The following TPRKB variants were observed in gnomAD, a reference collection of about 807,000 sequenced individuals.
The protein encoded by TPRKB is TP53RK binding protein.
A neutral mutation model predicts 17.8 loss-of-function variants in TPRKB; 11 were observed. The observed-to-expected ratio is 0.62, with a 90% CI of 0.39 to 1.02. The LOEUF is 1.02. Among genes scored for constraint, TPRKB ranks in the 50% least tolerant of loss-of-function variants. The pLI is 0.00. For missense variants in TPRKB, 228 were observed against 198.0 expected (o/e 1.15, Z -0.91); for synonymous variants, 71 against 69.5 (o/e 1.02, Z -0.11).
intron 2 of TPRKB, chr2:73,732,833 G>T (rs12992607): frequency 0.53 from 80,646 of 152,344 alleles, 24,469 homozygotes; most frequent in East Asian, 0.7. Flanking sequence ...TTAATTGAGG[G>T]CTAATATTAT....
At chr2:73,734,794 A>C (rs908575421) in intron 1 of TPRKB, among the ~76,000 whole-genome samples, 19 of 152,242 alleles carry the variant, frequency 1.2e-4, no homozygotes, top group Non-Finnish European at 2.9e-5. Context: ...CCCCAGGGAA[A>C]CGCCAAGGGG....
chr2:73,730,970 T>G (rs962468061), intron 3 of TPRKB: 2 of 331,914 alleles, frequency 6.0e-6, no homozygotes, highest in African/African-American at 4.3e-5. Flanking sequence ...AAGCCCAGCC[T>G]CTTGGCGCTG....
intron 1 of TPRKB, among the ~76,000 whole-genome samples, 181 bp from the exon 2 acceptor site, chr2:73,734,772 T>G (rs560038003): frequency 3.3e-5 from 5 of 152,366 alleles, no homozygotes; most frequent in African/African-American, 9.6e-5. Context: ...TTCTGAGTTG[T>G]TCTGTTGTCA....
At chr2:73,732,125 T>C (rs767096527) in intron 3 of TPRKB, 38 bp downstream of exon 3, 29 of 1,600,072 alleles carry the variant, frequency 1.8e-5, no homozygotes, top group Non-Finnish European at 2.1e-5. Flanking sequence ...CATATGTTAT[T>C]ATGACACGGT....
At chr2:73,732,040 T>C (rs765333234) in intron 3 of TPRKB, 123 bp downstream of exon 3, 3 of 1,091,896 alleles carry the variant, frequency 2.7e-6, no homozygotes, top group Non-Finnish European at 4.0e-6. Context: ...TCCAGAGCTC[T>C]CTTCACTATT....
chr2:73,736,111 T>TTATC (rs1239800019), intron 1 of TPRKB, among the ~76,000 whole-genome samples: 1 of 152,180 alleles, frequency 6.6e-6, no homozygotes, highest in African/African-American at 2.4e-5. Context: ...AAAGTTAATG[T>TTATC]TATCTCTTAT....
At chr2:73,737,043 T>A (rs758861862) in intron 1 of TPRKB, among the ~76,000 whole-genome samples, 3 of 152,194 alleles carry the variant, frequency 2.0e-5, no homozygotes, top group Non-Finnish European at 2.9e-5. Flanking sequence ...ACTACGGCTC[T>A]TTTTAGTCTG....
intron 2 of TPRKB, among the ~76,000 whole-genome samples, chr2:73,734,036 G>T (rs1200167996): frequency 6.6e-6 from 1 of 151,628 alleles, no homozygotes; most frequent in Non-Finnish European, 1.5e-5. Flanking sequence ...TCAAACTCCT[G>T]ACCTCATGAT....
chr2:73,731,180 C>A, intron 3 of TPRKB: 1 of 153,372 alleles, frequency 6.5e-6, no homozygotes, highest in Non-Finnish European at 1.5e-5. Flanking sequence ...AGTTCTGATG[C>A]CACTCCCCAC....
intron 4 of TPRKB, 69 bp downstream of exon 4, chr2:73,730,491 C>A (rs1250009435): frequency 2.7e-6 from 3 of 1,123,938 alleles, no homozygotes; most frequent in South Asian, 3.1e-5. Context: ...CTCTGGTGAT[C>A]AATAGGCAAA....
intron 4 of TPRKB, 135 bp from the exon 5 acceptor site, chr2:73,730,164 T>C (rs1308319991): frequency 5.6e-6 from 6 of 1,078,256 alleles, no homozygotes; most frequent in African/African-American, 1.6e-5. Context: ...ACAAATGTGA[T>C]TAAAATATTC....
rs144204466 is a variant in TPRKB at position 73,736,501 on chromosome 2, T to C, written c.-23+801A>G. 4.3e-3 allele frequency among the ~76,000 whole-genome samples: 657 copies of C among 152,326 alleles called. 7 individuals carry two copies. The highest frequency in any genetic ancestry group is 0.015 in the African/African-American group (631 of 41,576). On this transcript the variant is annotated intron_variant, in intron 1 of 4. Coordinates refer to ENST00000272424, the MANE Select transcript of TPRKB (RefSeq NM_016058.5). ...GAAGAACCCTTAGAAAACTTCAAAA[T>C]AGTTTGTTCTTGTTTAGCGTAATTT...
At chr2:73,730,486 G>C (rs911491417) in intron 4 of TPRKB, 74 bp downstream of exon 4, 1 of 1,052,408 alleles carries the variant, frequency 9.5e-7, no homozygotes, top group Non-Finnish European at 1.4e-6. Context: ...AGGAGCTCTG[G>C]TGATCAATAG....
intron 2 of TPRKB, among the ~76,000 whole-genome samples, chr2:73,733,268 T>C (rs1262296870): frequency 6.8e-6 from 1 of 147,676 alleles, no homozygotes; most frequent in African/African-American, 2.6e-5. Flanking sequence ...TTTTTTTTTT[T>C]TGGAGACAGA....
intron 3 of TPRKB, chr2:73,731,955 T>C (rs1187119437): frequency 2.1e-6 from 1 of 466,688 alleles, no homozygotes; most frequent in African/African-American, 2.0e-5. Flanking sequence ...TTAACCTCGC[T>C]TAATTTAGCT....
intron 2 of TPRKB, among the ~76,000 whole-genome samples, chr2:73,733,814 CTTTT>C (rs755122123): frequency 3.9e-4 from 44 of 114,018 alleles, no homozygotes; most frequent in African/African-American, 1.5e-3. Flanking sequence ...CTCATTCATT[CTTTT>C]TTTTTTTTTT....
At chr2:73,732,043 T>C (rs1671634972) in intron 3 of TPRKB, 120 bp downstream of exon 3, 2 of 1,118,414 alleles carry the variant, frequency 1.8e-6, no homozygotes, top group Non-Finnish European at 2.6e-6. Flanking sequence ...AGAGCTCTCT[T>C]CACTATTATT....
rs1671941413 is a variant in TPRKB, at chr2:73,737,286, C to A, written c.-23+16G>T. On this transcript the variant is annotated intron_variant, in intron 1 of 4. Transcript: ENST00000272424. ...CCGCTCCCGAGCCTGCCCGTTAGAG[C>A]GCAAGGAAAACTCACCATCCGGCCC... 1 of 152,220 alleles carries A rather than the reference C, an allele frequency of 6.6e-6. No individual in the cohort carries two copies. Among genetic ancestry groups the A allele is most frequent in the Admixed American group, 6.5e-5 (1 of 15,278 alleles). 9.4% of individuals were successfully genotyped at this position (152,220 alleles called of 1,614,324 possible).
intron 2 of TPRKB, chr2:73,732,544 A>C: frequency 2.7e-6 from 1 of 365,744 alleles, no homozygotes; most frequent in Non-Finnish European, 5.0e-6. Context: ...AACCCTCTCT[A>C]CTAAAAATAC....
Sources: allele counts gnomAD v4.1 joint callset (sites outside exome capture counted in the v4.1 genomes callset), GRCh38; gene constraint gnomAD v4.1.1; transcripts MANE v1.5; gene names NCBI Gene and HGNC (gene_info 2026-07-23, HGNC 2026-07-21).